Variants in CELF2 observed in about 807,000 individuals in gnomAD.
CELF2 encodes CUG triplet repeat RNA-binding protein 2.
A neutral mutation model predicts 62.6 loss-of-function variants in CELF2; 8 were observed. The observed-to-expected ratio is 0.13, with a 90% CI of 0.07 to 0.23. The LOEUF is 0.23. Among genes scored for constraint, CELF2 ranks in the 10% least tolerant of loss-of-function variants. The pLI is 1.00. For synonymous variants in CELF2, 258 were observed against 250.0 expected, an observed-to-expected ratio of 1.03 and a Z score of -0.30; for missense variants, 333 against 671.0, an observed-to-expected ratio of 0.50 and a Z score of 5.56.
chr10:10,661,237 G>A, the CELF2 span, among the ~76,000 whole-genome samples: 2 of 152,096 alleles, frequency 1.3e-5, no homozygotes, highest in African/African-American at 4.8e-5. Flanking sequence ...ACTCGTCTAC[G>A]GTAGACTTCC....
At chr10:10,904,194 C>T (rs2063151443) in intron 1 of CELF2, among the ~76,000 whole-genome samples, 1 of 151,898 alleles carries the variant, frequency 6.6e-6, no homozygotes, top group Non-Finnish European at 1.5e-5. Context: ...TTATTTTTAT[C>T]ACGCAATATG....
At chr10:10,919,961 C>A in intron 1 of CELF2, 1 of 1,231,342 alleles carries the variant, frequency 8.1e-7, no homozygotes. Context: ...CTCCTTCCTG[C>A]AGAGAGACGG....
chr10:10,812,163 G>T (rs1292672151), intron 1 of CELF2, among the ~76,000 whole-genome samples: 1 of 152,186 alleles, frequency 6.6e-6, no homozygotes, highest in African/African-American at 2.4e-5. Context: ...TGAACTCACA[G>T]TTCCATGTGG....
chr10:10,597,934 T>C, the CELF2 span, among the ~76,000 whole-genome samples: 1 of 152,308 alleles, frequency 6.6e-6, no homozygotes, highest in African/African-American at 2.4e-5. Context: ...AAATATTACT[T>C]TTCAATAAGA....
rs2074646418 is a variant in CELF2 at position 11,243,493 on chromosome 10, A to G, written c.355-5660A>G. ...TGACATCCCGTTTACTCCCATCAAC[A>G]GGATCTATTTCCAAAACTCATGCTC... On this transcript the variant is annotated intron_variant, in intron 3 of 12. Transcript: ENST00000633077. The surrounding 1 kb of genome is among the most constrained non-coding windows in gnomAD (Gnocchi z 4.1). 2.0e-5 allele frequency among the ~76,000 whole-genome samples: 3 copies of G among 152,218 alleles called. No homozygotes were observed. The highest frequency in any genetic ancestry group is 2.9e-5 in the Non-Finnish European group (2 of 68,046).
the CELF2 span, among the ~76,000 whole-genome samples, chr10:10,562,558 C>G: frequency 3.3e-5 from 5 of 152,180 alleles, no homozygotes; most frequent in East Asian, 9.7e-4. Flanking sequence ...CCTGAGCAGC[C>G]CGGCTCCGGA....
At chr10:10,471,018 T>A in the CELF2 span, among the ~76,000 whole-genome samples, 1 of 151,802 alleles carries the variant, frequency 6.6e-6, no homozygotes, top group East Asian at 1.9e-4. Context: ...CTTTTTTTCA[T>A]TGATTTTTGA....
the CELF2 span, among the ~76,000 whole-genome samples, chr10:10,564,641 TAC>T: frequency 0.57 from 77,135 of 135,614 alleles, 22,263 homozygotes; most frequent in Non-Finnish European, 0.63. Flanking sequence ...GTTAACTGAA[TAC>T]ACACACACAC....
chr10:11,026,803 G>A (rs1460861611), intron 1 of CELF2, among the ~76,000 whole-genome samples: 2 of 152,208 alleles, frequency 1.3e-5, no homozygotes, highest in Non-Finnish European at 2.9e-5. Flanking sequence ...GGAGCCTCGG[G>A]AGGAGAGCAG....
chr10:11,065,969 G>A (rs61830420), intron 1 of CELF2, among the ~76,000 whole-genome samples: 3,104 of 152,290 alleles, frequency 0.02, 53 homozygotes, highest in Non-Finnish European at 0.033. Context: ...AGTAGTCCAG[G>A]CAGAAAGCAG....
chr10:11,095,175 C>G (rs2142136020), intron 1 of CELF2, among the ~76,000 whole-genome samples: 1 of 152,236 alleles, frequency 6.6e-6, no homozygotes, highest in South Asian at 2.1e-4. Flanking sequence ...AGGGGGTTTA[C>G]AAAGCGAAGT....
chr10:11,321,241 A>C lies in CELF2; in HGVS notation c.1149A>C (p.Thr383=), dbSNP rs1291203442. The change falls in exon 11 of 13, where the codon ACA becomes ACC. Residue 383 remains threonine, a synonymous_variant. Transcript: ENST00000633077. This position sits in a 1 kb window ranked among gnomAD's most constrained non-coding sequence, Gnocchi z 6.2. ...CTCTGAATGGAGGACTTGGCGCCAC[A>C]GGCTTGACGAATGGCACGGCTGGCA... ...MAALNGGLGA[T]GLTNGTAGTM... The C allele has an allele frequency of 6.2e-7, 1 of 1,613,992 alleles. No homozygotes were observed.
At chr10:11,097,266 A>G (rs1320646378) in intron 1 of CELF2, 1 of 152,226 alleles carries the variant, frequency 6.6e-6, no homozygotes, top group Non-Finnish European at 1.5e-5. Flanking sequence ...TCATTGAACC[A>G]TTAACGTTAA....
intron 9 of CELF2, among the ~76,000 whole-genome samples, chr10:11,308,671 A>C (rs188294298): frequency 3.2e-4 from 48 of 152,354 alleles, no homozygotes; most frequent in African/African-American, 9.4e-4. Flanking sequence ...TTTATTAATT[A>C]AAGTTGTGTA....
At chr10:11,099,786 C>G (rs372133137) in intron 1 of CELF2, among the ~76,000 whole-genome samples, 2 of 151,100 alleles carry the variant, frequency 1.3e-5, no homozygotes, top group East Asian at 3.9e-4. Context: ...GGTAGGTTGC[C>G]ACTATTTTTA....
chr10:10,535,058 C>G, the CELF2 span, among the ~76,000 whole-genome samples: 1 of 152,214 alleles, frequency 6.6e-6, no homozygotes, highest in African/African-American at 2.4e-5. Flanking sequence ...TAGTTTACCT[C>G]CTGTTTTAAT....
chr10:11,013,759 A>G (rs1328140971), upstream of CELF2, among the ~76,000 whole-genome samples: 1 of 152,184 alleles, frequency 6.6e-6, no homozygotes, highest in Non-Finnish European at 1.5e-5. This position sits in a 1 kb window ranked among gnomAD's most constrained non-coding sequence, Gnocchi z 4.1. Context: ...ATCAAGATGG[A>G]GGGAAAATAA....
chr10:10,627,677 G>C, the CELF2 span, among the ~76,000 whole-genome samples: 2 of 152,144 alleles, frequency 1.3e-5, no homozygotes, highest in African/African-American at 4.8e-5. Context: ...AACCTATGGG[G>C]TCAACTTAAG....
intron 2 of CELF2, among the ~76,000 whole-genome samples, chr10:11,213,266 A>T (rs1442739462): frequency 6.6e-6 from 1 of 152,180 alleles, no homozygotes; most frequent in Non-Finnish European, 1.5e-5. Context: ...CCTTACACCG[A>T]TGTTGGAAAC....
Sources: gnomAD v4.1 joint callset for allele counts (sites outside exome capture counted in the v4.1 genomes callset) on GRCh38, gnomAD v4.1.1 for gene constraint, Gnocchi (gnomAD v3.1) non-coding constraint, MANE v1.5 for transcripts, NCBI Gene and HGNC (gene_info 2026-07-23, HGNC 2026-07-21) for gene names.